Variants in HIPK2 observed in about 807,000 individuals in gnomAD.
HIPK2 encodes the protein homeodomain interacting protein kinase 2.
A neutral mutation model predicts 113.7 loss-of-function variants in HIPK2; 27 were observed. That is an observed-to-expected ratio of 0.24 (90% CI 0.17 to 0.33). HIPK2 has a LOEUF of 0.33. Among genes scored for constraint, HIPK2 ranks in the 10% least tolerant of loss-of-function variants. The pLI, the probability that HIPK2 is intolerant of heterozygous loss-of-function variation, is 1.00. For missense variants in HIPK2, 1,257 were observed against 1,588.0 expected (o/e 0.79, Z 3.54); for synonymous variants, 631 against 642.2 (o/e 0.98, Z 0.26).
At chr7:139,602,262 A>G (rs1799458119) in intron 10 of HIPK2, among the ~76,000 whole-genome samples, 1 of 151,974 alleles carries the variant, frequency 6.6e-6, no homozygotes, top group South Asian at 2.1e-4. Flanking sequence ...CAAGAAACTG[A>G]TATTATGGCT....
At chr7:139,622,299 G>A (rs1241393571) in intron 6 of HIPK2, among the ~76,000 whole-genome samples, 1 of 152,216 alleles carries the variant, frequency 6.6e-6, no homozygotes, top group African/African-American at 2.4e-5. Context: ...AACATATTCT[G>A]CGGTATCCAG....
chr7:139,571,644 A>AT lies in HIPK2; in HGVS notation c.*1282dup, dbSNP rs1001875274. 5 of 152,162 alleles carry AT rather than the reference A, an allele frequency of 3.3e-5. No individual in the cohort carries two copies. The highest frequency in any genetic ancestry group is 1.2e-4 in the African/African-American group (5 of 41,424). 9.4% of individuals were successfully genotyped at this position (152,162 alleles called of 1,614,324 possible). A position where few individuals can be genotyped will look rare whatever the true frequency, so the allele number is the denominator to read the frequency against. Reference sequence around the variant, plus strand: ...CCCAGGAAAGACAACGGGCATTAACATTTTAAAAAGAAAAAGAAAAAGAAA... The same window carrying AT: ...CCCAGGAAAGACAACGGGCATTAACATTTTTAAAAAGAAAAAGAAAAAGAAA... On this transcript the variant is annotated 3_prime_UTR_variant, in exon 15 of 15. Transcript: ENST00000406875.
intron 1 of HIPK2, among the ~76,000 whole-genome samples, chr7:139,768,380 G>T (rs1198958711): frequency 6.6e-6 from 1 of 152,154 alleles, no homozygotes; most frequent in East Asian, 1.9e-4. Flanking sequence ...GGAGACAAGA[G>T]GCAGGGCTCA....
chr7:139,674,984 C>G (rs10262234), intron 2 of HIPK2, among the ~76,000 whole-genome samples: 2 of 151,942 alleles, frequency 1.3e-5, no homozygotes, highest in Admixed American at 1.3e-4. Flanking sequence ...CCTTTGTCAT[C>G]GTAAGGCTAA....
At position 139,613,950 on chromosome 7, in the gene HIPK2, G is replaced by C. The variant is rs1271597828; in HGVS notation, c.1990+336C>G. On this transcript the variant is annotated intron_variant, in intron 8 of 14. Transcript: ENST00000406875. The surrounding 1 kb of genome is among the most constrained non-coding windows in gnomAD (Gnocchi z 4.2). ...GTTTTCTACAGATAACCCACACAGAGGATATTTCATGCGAGGAAAAGCAAG... is the reference window on the plus strand; with the variant it reads ...GTTTTCTACAGATAACCCACACAGACGATATTTCATGCGAGGAAAAGCAAG... Among the ~76,000 whole-genome samples the C allele has an allele frequency of 6.6e-6, 1 of 152,188 alleles. No individual in the cohort carries two copies. The highest frequency in any genetic ancestry group is 2.4e-5 in the African/African-American group (1 of 41,430).
chr7:139,722,904 C>A (rs558742155), intron 1 of HIPK2, among the ~76,000 whole-genome samples: 55 of 151,820 alleles, frequency 3.6e-4, no homozygotes, highest in Non-Finnish European at 7.1e-4. Flanking sequence ...CTCTCTGTTG[C>A]CCAGGTTGGA....
intron 13 of HIPK2, among the ~76,000 whole-genome samples, chr7:139,581,286 G>A (rs1027925203): frequency 6.6e-6 from 1 of 152,136 alleles, no homozygotes; most frequent in African/African-American, 2.4e-5. Flanking sequence ...CTGGAAATGG[G>A]ACACCAGGAG....
At chr7:139,769,305 G>A (rs1313334717) in intron 1 of HIPK2, among the ~76,000 whole-genome samples, 2 of 152,188 alleles carry the variant, frequency 1.3e-5, no homozygotes, top group Admixed American at 6.5e-5. Context: ...CCATCTCCAC[G>A]GCCGCAGTGC....
intron 1 of HIPK2, among the ~76,000 whole-genome samples, chr7:139,723,437 A>G (rs1585422667): frequency 6.6e-6 from 1 of 152,082 alleles, no homozygotes; most frequent in Non-Finnish European, 1.5e-5. Flanking sequence ...CAGGTGATCC[A>G]CCTGCCTCGG....
chr7:139,673,339 C>T (rs902584435), intron 2 of HIPK2, among the ~76,000 whole-genome samples: 5 of 152,116 alleles, frequency 3.3e-5, no homozygotes, highest in African/African-American at 9.7e-5. Flanking sequence ...GTGGCGGAGC[C>T]GCATTCTCTC....
rs1271486409 is a variant in HIPK2 at position 139,565,999 on chromosome 7, G to A, written c.*6928C>T. On this transcript the variant is annotated 3_prime_UTR_variant, in exon 15 of 15. Coordinates refer to ENST00000406875, the MANE Select transcript of HIPK2 (RefSeq NM_022740.5). ...AATACTTTTTCACTCTTACTTATAA[G>A]AGCTGGTTGTAGCAGCACTACTAAA... 6.6e-6 allele frequency: 1 copy of A among 152,162 alleles called. No individual in the cohort carries two copies. The highest frequency in any genetic ancestry group is 2.4e-5 in the African/African-American group (1 of 41,434). The allele number at this position is 152,162 out of a possible 1,614,324, so 9.4% of individuals were successfully genotyped here. A position where few individuals can be genotyped will look rare whatever the true frequency, so the allele number is the denominator to read the frequency against.
chr7:139,664,222 C>G (rs1488950949), intron 2 of HIPK2, among the ~76,000 whole-genome samples: 2 of 152,164 alleles, frequency 1.3e-5, no homozygotes, highest in Non-Finnish European at 2.9e-5. Context: ...TCATCCGCAC[C>G]CTTCTTTCTC....
At chr7:139,632,448 G>A (rs1800650786) in intron 2 of HIPK2, among the ~76,000 whole-genome samples, 1 of 152,128 alleles carries the variant, frequency 6.6e-6, no homozygotes, top group Non-Finnish European at 1.5e-5. Flanking sequence ...AGGAAACATT[G>A]CTATTTTTTA....
intron 2 of HIPK2, among the ~76,000 whole-genome samples, chr7:139,632,225 G>A (rs1417851818): frequency 1.3e-5 from 2 of 152,112 alleles, no homozygotes; most frequent in South Asian, 2.1e-4. Flanking sequence ...ATCATAGCTC[G>A]CTATAGTCTT....
chr7:139,724,420 T>C (rs1368296808), intron 1 of HIPK2, among the ~76,000 whole-genome samples: 1 of 152,228 alleles, frequency 6.6e-6, no homozygotes, highest in Non-Finnish European at 1.5e-5. Context: ...CTGGGGCTTT[T>C]ATACCATTTT....
At chr7:139,632,298 G>T (rs1800645754) in intron 2 of HIPK2, among the ~76,000 whole-genome samples, 1 of 152,168 alleles carries the variant, frequency 6.6e-6, no homozygotes, top group South Asian at 2.1e-4. Context: ...CTATAGGAAT[G>T]CACAACCACA....
At chr7:139,691,111 T>C (rs1009814343) in intron 2 of HIPK2, among the ~76,000 whole-genome samples, 1 of 152,206 alleles carries the variant, frequency 6.6e-6, no homozygotes, top group African/African-American at 2.4e-5. Flanking sequence ...GGACACAGTG[T>C]TGAGATTCTG....
intron 2 of HIPK2, among the ~76,000 whole-genome samples, chr7:139,687,222 C>T (rs918043016): frequency 6.6e-6 from 1 of 152,202 alleles, no homozygotes; most frequent in African/African-American, 2.4e-5. Flanking sequence ...ATTAAAGGTG[C>T]AAGCCTAGCT....
chr7:139,715,782 CAT>C lies in HIPK2; in HGVS notation c.1103+148_1103+149del, dbSNP rs1265259524. 5 of 1,112,158 alleles carry C rather than the reference CAT, an allele frequency of 4.5e-6. No homozygotes were observed. In the Admixed American group the frequency reaches 8.5e-5, roughly 19 times the overall value. The allele number at this position is 1,112,158 out of a possible 1,614,324, so 68.9% of individuals were successfully genotyped here. ...CTTCTAATTGACATCGCAATGTGCA[CAT>C]GTCCTAATTTCGTAAGTACATTAAG... On this transcript the variant is annotated intron_variant, in intron 2 of 14. Coordinates refer to ENST00000406875, the MANE Select transcript of HIPK2 (RefSeq NM_022740.5).
Sources: allele counts gnomAD v4.1 joint callset (sites outside exome capture counted in the v4.1 genomes callset), GRCh38; gene constraint gnomAD v4.1.1; non-coding constraint Gnocchi (gnomAD v3.1); transcripts MANE v1.5; gene names NCBI Gene and HGNC (gene_info 2026-07-23, HGNC 2026-07-21).